Variants in OXR1 observed in about 807,000 individuals in gnomAD.
OXR1 encodes oxidation resistance 1.
Under a neutral mutation model 104.6 loss-of-function variants are expected in OXR1, and 41 were observed. The ratio of observed to expected loss-of-function variants is 0.39; its 90% confidence interval spans 0.31 to 0.51. The LOEUF (loss-of-function observed/expected upper bound fraction) is 0.51, where lower values mean the gene tolerates loss of function less well. Among genes scored for constraint, OXR1 ranks in the 20% least tolerant of loss-of-function variants. The pLI is 0.77. For synonymous variants in OXR1, 348 were observed against 348.4 expected (o/e 1.00, Z 0.01); for missense variants, 955 against 1,031.9 (o/e 0.93, Z 1.02).
chr8:106,584,637 G>A (rs1174881509), intron 3 of OXR1, among the ~76,000 whole-genome samples: 3 of 151,958 alleles, frequency 2.0e-5, no homozygotes, highest in Non-Finnish European at 4.4e-5. Context: ...CCTATCAATA[G>A]TTTTACTATC....
intron 1 of OXR1, among the ~76,000 whole-genome samples, chr8:106,310,024 T>C (rs923498668): frequency 2.0e-5 from 3 of 151,868 alleles, no homozygotes; most frequent in African/African-American, 7.2e-5. Context: ...GTTTTGCATA[T>C]TGTCTTCTGA....
chr8:106,720,049 G>A (rs976343693), intron 11 of OXR1, among the ~76,000 whole-genome samples: 1 of 152,008 alleles, frequency 6.6e-6, no homozygotes, highest in Non-Finnish European at 1.5e-5. Context: ...CTCATGATCC[G>A]CCTGCCTTGG....
chr8:106,294,169 G>A (rs758763941), intron 1 of OXR1, among the ~76,000 whole-genome samples: 67 of 151,808 alleles, frequency 4.4e-4, no homozygotes, highest in African/African-American at 1.5e-3. Context: ...TTGGGAGGCC[G>A]AGGCGGGCAG....
intron 2 of OXR1, among the ~76,000 whole-genome samples, chr8:106,439,474 T>G (rs891322000): frequency 6.6e-6 from 1 of 152,064 alleles, no homozygotes; most frequent in African/African-American, 2.4e-5. Context: ...AATAAAACAG[T>G]TGTTTTAGTT....
At chr8:106,440,623 T>C (rs1389950344) in intron 2 of OXR1, among the ~76,000 whole-genome samples, 1 of 152,104 alleles carries the variant, frequency 6.6e-6, no homozygotes, top group Non-Finnish European at 1.5e-5. Flanking sequence ...AATAGATTAC[T>C]AGCCACAGTT....
chr8:106,665,953 C>CAA (rs202130844), intron 3 of OXR1, among the ~76,000 whole-genome samples: 2 of 144,988 alleles, frequency 1.4e-5, no homozygotes, highest in East Asian at 4.0e-4. Flanking sequence ...GAGAATATAA[C>CAA]AAAAAAAAAA....
At chr8:106,522,838 G>A (rs1219617512) in intron 3 of OXR1, 1 of 151,982 alleles carries the variant, frequency 6.6e-6, no homozygotes, top group Non-Finnish European at 1.5e-5. Context: ...CTATTGCTGT[G>A]AAACAAAATA....
At chr8:106,573,344 TACAC>T (rs3046716) in intron 3 of OXR1, among the ~76,000 whole-genome samples, 10,004 of 146,616 alleles carry the variant, frequency 0.068, 344 homozygotes, top group Middle Eastern at 0.093. Flanking sequence ...AACCATCACA[TACAC>T]ACACACACAC....
chr8:106,462,833 T>A (rs1820981599), intron 2 of OXR1, among the ~76,000 whole-genome samples: 1 of 152,022 alleles, frequency 6.6e-6, no homozygotes, highest in Non-Finnish European at 1.5e-5. Context: ...ACCCACCATA[T>A]CTTGAGGAAG....
At chr8:106,433,546 C>CA (rs1819447827) in intron 2 of OXR1, among the ~76,000 whole-genome samples, 4 of 152,268 alleles carry the variant, frequency 2.6e-5, no homozygotes, top group African/African-American at 9.6e-5. Flanking sequence ...GTTTCAGAGT[C>CA]AAACCATGAA....
chr8:106,711,774 G>GCA (rs780527370), intron 10 of OXR1, among the ~76,000 whole-genome samples: 7 of 152,062 alleles, frequency 4.6e-5, no homozygotes, highest in Non-Finnish European at 1.0e-4. Context: ...AGTGACAGCT[G>GCA]CACATACCTG....
At chr8:106,448,936 A>C (rs2130609481) in intron 2 of OXR1, among the ~76,000 whole-genome samples, 1 of 152,256 alleles carries the variant, frequency 6.6e-6, no homozygotes, top group African/African-American at 2.4e-5. Flanking sequence ...GCTCTTATAT[A>C]ATTAAAGCTA....
At chr8:106,399,220 A>G (rs1272768441) in intron 2 of OXR1, among the ~76,000 whole-genome samples, 2 of 152,080 alleles carry the variant, frequency 1.3e-5, no homozygotes, top group Non-Finnish European at 2.9e-5. Context: ...AGTGCACTTC[A>G]TTGTGTTCTT....
intron 3 of OXR1, among the ~76,000 whole-genome samples, chr8:106,578,123 G>T (rs1471360995): frequency 2.0e-5 from 3 of 152,134 alleles, no homozygotes; most frequent in Admixed American, 6.5e-5. Flanking sequence ...TAAACATTTA[G>T]TATAAGTATG....
At chr8:106,276,797 GTTCAA>G (rs2130479672) in intron 1 of OXR1, among the ~76,000 whole-genome samples, 1 of 139,538 alleles carries the variant, frequency 7.2e-6, no homozygotes, top group South Asian at 2.5e-4. Flanking sequence ...CTCTAATTAT[GTTCAA>G]TTCAGGTATT....
At chr8:106,533,633 A>G (rs570961445) in intron 3 of OXR1, among the ~76,000 whole-genome samples, 1 of 152,116 alleles carries the variant, frequency 6.6e-6, no homozygotes, top group Non-Finnish European at 1.5e-5. Context: ...CTTAAAGGCA[A>G]GGCAGCAGAG....
intron 4 of OXR1, among the ~76,000 whole-genome samples, chr8:106,681,926 G>C (rs1027161004): frequency 2.0e-5 from 3 of 152,160 alleles, no homozygotes; most frequent in Admixed American, 6.5e-5. Context: ...AGGAGGAAGA[G>C]GACAGTATCC....
At chr8:106,595,348 G>A (rs753908680) in intron 3 of OXR1, among the ~76,000 whole-genome samples, 3 of 151,882 alleles carry the variant, frequency 2.0e-5, no homozygotes, top group Non-Finnish European at 4.4e-5. Flanking sequence ...TCAGGAGTTC[G>A]AGACAAGCCT....
chr8:106,695,639 C>T (rs1829941437), intron 7 of OXR1, among the ~76,000 whole-genome samples: 2 of 152,086 alleles, frequency 1.3e-5, no homozygotes, highest in East Asian at 1.9e-4. Flanking sequence ...AGGCTGGTCT[C>T]GAACTGCTGA....
Sources: allele counts gnomAD v4.1 joint callset (sites outside exome capture counted in the v4.1 genomes callset), GRCh38; gene constraint gnomAD v4.1.1; transcripts MANE v1.5; gene names NCBI Gene and HGNC (gene_info 2026-07-23, HGNC 2026-07-21).